Variants in EPHB1 observed in about 807,000 individuals in gnomAD.
EPHB1 encodes the protein ephrin type-B receptor 1.
A neutral mutation model predicts 94.4 loss-of-function variants in EPHB1; 30 were observed. The observed-to-expected ratio is 0.32, with a 90% CI of 0.24 to 0.43. EPHB1 has a LOEUF of 0.43. Among genes scored for constraint, EPHB1 ranks in the 20% least tolerant of loss-of-function variants. The probability of loss-of-function intolerance (pLI) is 1.00; values close to 1 mark genes in which losing one functional copy is unlikely to be tolerated. For synonymous variants in EPHB1, 522 were observed against 489.1 expected, an observed-to-expected ratio of 1.07 and a Z score of -0.89; for missense variants, 1,055 against 1,308.3, an observed-to-expected ratio of 0.81 and a Z score of 2.99.
intron 12 of EPHB1, among the ~76,000 whole-genome samples, chr3:135,208,769 G>A (rs1942964246): frequency 6.6e-6 from 1 of 152,108 alleles, no homozygotes; most frequent in African/African-American, 2.4e-5. Context: ...ATATAGAAAT[G>A]GAGAAATAAA....
At chr3:134,933,813 G>C (rs984343161) in intron 2 of EPHB1, among the ~76,000 whole-genome samples, 9 of 152,160 alleles carry the variant, frequency 5.9e-5, no homozygotes, top group African/African-American at 1.9e-4. Flanking sequence ...GTTCCAGAAG[G>C]AACTCCCAGA....
rs1421899186 is a variant in EPHB1, at chr3:135,224,983, C to T, written c.2347-16165C>T. 2.0e-5 allele frequency among the ~76,000 whole-genome samples: 3 copies of T among 152,342 alleles called. No individual in the cohort carries two copies. The East Asian group carries it at 5.8e-4, about 29-fold the overall frequency. On this transcript the variant is annotated intron_variant, in intron 12 of 15. Transcript: ENST00000398015. ...TTCAGACCTAGCTTATTCCATCACT[C>T]TCTGCTCTGCCTGCACCTTTGATTT...
chr3:134,880,226 G>A (rs969765319), intron 1 of EPHB1, among the ~76,000 whole-genome samples: 3 of 152,224 alleles, frequency 2.0e-5, no homozygotes, highest in African/African-American at 7.2e-5. Flanking sequence ...ACAGCTGACT[G>A]GAAAGTGTGA....
At chr3:135,056,099 G>C (rs982060726) in intron 3 of EPHB1, among the ~76,000 whole-genome samples, 1 of 152,226 alleles carries the variant, frequency 6.6e-6, no homozygotes, top group African/African-American at 2.4e-5. Context: ...CTGAGTCCAG[G>C]CTGTCAGTTA....
chr3:134,814,668 T>C (rs1426759906), intron 1 of EPHB1, among the ~76,000 whole-genome samples: 1 of 152,208 alleles, frequency 6.6e-6, no homozygotes, highest in African/African-American at 2.4e-5. Context: ...GACTTGTGCC[T>C]CTCTGTCTTG....
chr3:134,891,870 C>T (rs1191104069), intron 1 of EPHB1, among the ~76,000 whole-genome samples: 1 of 152,210 alleles, frequency 6.6e-6, no homozygotes, highest in Non-Finnish European at 1.5e-5. Context: ...GTTTTCTTCT[C>T]TATAGTTCCG....
At chr3:135,165,904 C>A in intron 7 of EPHB1, 64 bp from the exon 8 acceptor site, 1 of 1,150,606 alleles carries the variant, frequency 8.7e-7, no homozygotes, top group Non-Finnish European at 1.3e-6. Context: ...TGGTATTGTG[C>A]ACTGAGTATC....
chr3:135,231,461 T>C (rs1943529116), intron 12 of EPHB1, among the ~76,000 whole-genome samples: 1 of 152,192 alleles, frequency 6.6e-6, no homozygotes, highest in Non-Finnish European at 1.5e-5. Flanking sequence ...AGTTAATTTA[T>C]GTCCAAATAA....
rs1026483969 is a variant in EPHB1, at chr3:135,231,132, T to C, written c.2347-10016T>C. 3.3e-5 allele frequency among the ~76,000 whole-genome samples: 5 copies of C among 152,328 alleles called. No individual in the cohort carries two copies. In the East Asian group the frequency reaches 5.8e-4, roughly 18 times the overall value. The stretch of plus-strand genomic sequence containing the variant: ...CTGTTTCTTTGCCCTTTATTGTCCC[T>C]GGCCTGGCTCAGAGAGGGGCCTGCT... On this transcript the variant is annotated intron_variant, in intron 12 of 15. Transcript: ENST00000398015.
intron 4 of EPHB1, among the ~76,000 whole-genome samples, chr3:135,113,089 T>C (rs931542874): frequency 6.6e-6 from 1 of 152,214 alleles, no homozygotes; most frequent in African/African-American, 2.4e-5. Context: ...CTCCTTGAGG[T>C]GAACTTCAGA....
Position 135,259,058 on chromosome 3 carries a change from A to G in EPHB1, c.2893A>G (p.Ile965Val). The change falls in exon 16 of 16, where the codon ATC becomes GTC. Residue 965 changes from isoleucine to valine, a missense_variant. Ile to Val is a conservative substitution (Grantham distance 29, BLOSUM62 3). Coordinates refer to ENST00000398015, the MANE Select transcript of EPHB1 (RefSeq NM_004441.5). ...CACCTTGGCAGGCCATCAGAAGAAG[A>G]TCCTGAACAGCATTCATTCTATGAG... ...GITLAGHQKK[I>V]LNSIHSMRVQ... is the part of the protein sequence containing the mutation. 1 of 1,610,980 alleles carries G rather than the reference A, an allele frequency of 6.2e-7. No individual in the cohort carries two copies. The highest frequency in any genetic ancestry group is 8.5e-7 in the Non-Finnish European group (1 of 1,178,768).
chr3:135,139,783 G>A (rs1576419935), intron 5 of EPHB1, among the ~76,000 whole-genome samples: 1 of 152,236 alleles, frequency 6.6e-6, no homozygotes, highest in Non-Finnish European at 1.5e-5. Context: ...TTGCCAGAGA[G>A]CATTTCAGTT....
At position 135,018,986 on chromosome 3, in the gene EPHB1, G is replaced by T. The variant is rs577062026; in HGVS notation, c.805+66934G>T. ...CCTTGGAGAGGCATGAGGCAGAGAG[G>T]ACAGGGGAGAGAGGGAGCATCAGGG... is the stretch of plus-strand genomic sequence containing the variant. On this transcript the variant is annotated intron_variant, in intron 3 of 15. Coordinates refer to ENST00000398015, the MANE Select transcript of EPHB1 (RefSeq NM_004441.5). Among the ~76,000 whole-genome samples, 84 of 151,976 alleles carry T rather than the reference G, an allele frequency of 5.5e-4. 1 individual carries two copies. Among genetic ancestry groups the T allele is most frequent in the Admixed American group, 2.2e-3 (34 of 15,290 alleles).
intron 1 of EPHB1, among the ~76,000 whole-genome samples, chr3:134,815,499 A>T (rs193012099): frequency 1.3e-5 from 2 of 152,302 alleles, no homozygotes; most frequent in East Asian, 3.9e-4. Flanking sequence ...AATGTGGCAA[A>T]ATGTTAAAAA....
At chr3:135,213,025 A>G (rs1009943259) in intron 12 of EPHB1, among the ~76,000 whole-genome samples, 1 of 152,126 alleles carries the variant, frequency 6.6e-6, no homozygotes, top group Non-Finnish European at 1.5e-5. Context: ...TAACATCACC[A>G]TCTTCTAATA....
chr3:135,234,723 G>A (rs1454135124), intron 12 of EPHB1, among the ~76,000 whole-genome samples: 2 of 152,172 alleles, frequency 1.3e-5, no homozygotes, highest in Non-Finnish European at 2.9e-5. Context: ...TCTTCACGTG[G>A]TGGCAGGAAG....
intron 5 of EPHB1, among the ~76,000 whole-genome samples, chr3:135,145,840 CCA>C (rs1287256450): frequency 2.6e-5 from 4 of 152,162 alleles, no homozygotes; most frequent in Non-Finnish European, 5.9e-5. Flanking sequence ...GCTCCCTTTT[CCA>C]CCTCATGCTC....
At chr3:134,898,865 C>T (rs1461503050) in intron 1 of EPHB1, among the ~76,000 whole-genome samples, 2 of 152,116 alleles carry the variant, frequency 1.3e-5, no homozygotes, top group Non-Finnish European at 2.9e-5. Flanking sequence ...TTGTGCAGTG[C>T]TGGGTGTGCT....
chr3:134,886,760 A>G (rs1457104826), intron 1 of EPHB1, among the ~76,000 whole-genome samples: 1 of 151,896 alleles, frequency 6.6e-6, no homozygotes, highest in Non-Finnish European at 1.5e-5. Context: ...CACATTAATT[A>G]TCCTGTTTTT....
Sources: allele counts gnomAD v4.1 joint callset (sites outside exome capture counted in the v4.1 genomes callset), GRCh38; gene constraint gnomAD v4.1.1; transcripts MANE v1.5; gene names NCBI Gene and HGNC (gene_info 2026-07-23, HGNC 2026-07-21).